The following MTMR9 variants were observed in gnomAD, a reference collection of about 807,000 sequenced individuals.
MTMR9 encodes the protein myotubularin-related protein 9.
MTMR9 carries 39 observed loss-of-function variants against 69.5 expected under a neutral mutation model. That is an observed-to-expected ratio of 0.56 (90% confidence interval 0.43 to 0.73). MTMR9 has a LOEUF of 0.73. MTMR9 is among the 30% of genes least tolerant of loss of function. The pLI is 0.00. For missense variants in MTMR9, 900 were observed against 671.2 expected, an observed-to-expected ratio of 1.34 and a Z score of -3.77; for synonymous variants, 354 against 240.8, an observed-to-expected ratio of 1.47 and a Z score of -4.35.
At chr8:11,318,957 G>A (rs1309937554) in intron 8 of MTMR9, 2 of 152,072 alleles carry the variant, frequency 1.3e-5, no homozygotes, top group African/African-American at 4.8e-5. Context: ...AGGGGGACGA[G>A]GGATAAAAGA....
At chr8:11,319,526 T>C (rs1800574111) in intron 8 of MTMR9, 161 bp from the exon 9 acceptor site, 1 of 709,532 alleles carries the variant, frequency 1.4e-6, no homozygotes, top group Non-Finnish European at 2.3e-6. Flanking sequence ...CCGATTGAGC[T>C]TTTTGACAAA....
downstream of MTMR9, chr8:11,331,181 C>T (rs2092203360): frequency 1.2e-6 from 2 of 1,613,566 alleles, no homozygotes; most frequent in East Asian, 2.2e-5. Context: ...CACCCAGCCT[C>T]CGCTGGCACC....
intron 1 of MTMR9, among the ~76,000 whole-genome samples, chr8:11,294,063 G>T (rs1799464762): frequency 6.6e-6 from 1 of 152,130 alleles, no homozygotes; most frequent in African/African-American, 2.4e-5. Flanking sequence ...CACCTTTTCA[G>T]TTTCTACATT....
At chr8:11,305,387 T>A (rs2117405792) in intron 4 of MTMR9, among the ~76,000 whole-genome samples, 1 of 152,258 alleles carries the variant, frequency 6.6e-6, no homozygotes, top group Admixed American at 6.5e-5. Context: ...ACTTTACACG[T>A]GAAAGGTGGA....
At chr8:11,309,432 T>C in intron 5 of MTMR9, 95 bp from the exon 6 acceptor site, 1 of 1,029,380 alleles carries the variant, frequency 9.7e-7, no homozygotes, top group Non-Finnish European at 1.4e-6. Flanking sequence ...GAACTACTTT[T>C]GCTCTTAGAT....
intron 6 of MTMR9, among the ~76,000 whole-genome samples, chr8:11,311,375 G>A (rs1418253276): frequency 1.3e-5 from 2 of 152,142 alleles, no homozygotes; most frequent in Non-Finnish European, 2.9e-5. Context: ...TCACTTAATA[G>A]GATATTACAC....
chr8:11,332,336 C>A, downstream of MTMR9: 1 of 877,326 alleles, frequency 1.1e-6, no homozygotes, highest in Non-Finnish European at 1.6e-6. Flanking sequence ...GGCTTATTTA[C>A]AGGAATAAAA....
At chr8:11,321,682 A>G (rs1198236806) in intron 9 of MTMR9, 2 of 317,292 alleles carry the variant, frequency 6.3e-6, no homozygotes, top group Non-Finnish European at 1.3e-5. Context: ...CGGCCTTAAA[A>G]TATCTCTCTG....
the MTMR9 span, among the ~76,000 whole-genome samples, chr8:11,333,804 GAAAT>G: frequency 6.6e-6 from 1 of 152,060 alleles, no homozygotes. Flanking sequence ...CCTGAGTGAA[GAAAT>G]AAATATTTCT....
rs527922660 is a variant in MTMR9 at position 11,312,224 on chromosome 8, A to G, written c.971+2536A>G. Among the ~76,000 whole-genome samples, 8 of 151,602 alleles carry G rather than the reference A, an allele frequency of 5.3e-5. No homozygotes were observed. The East Asian group carries it at 5.8e-4, about 11-fold the overall frequency. ...CACGGTCACCTAATTTTTTTTTTCA[A>G]TTTTTAACAGAGATGTGGTTTCTGT... is the stretch of plus-strand genomic sequence containing the variant. On this transcript the variant is annotated intron_variant, in intron 6 of 9. Transcript: ENST00000221086.
chr8:11,329,550 G>C (rs574209773), downstream of MTMR9, among the ~76,000 whole-genome samples: 2 of 152,250 alleles, frequency 1.3e-5, no homozygotes, highest in African/African-American at 4.8e-5. Context: ...TCCTAACCGC[G>C]AGTGATCCGC....
intron 2 of MTMR9, among the ~76,000 whole-genome samples, chr8:11,299,224 G>T (rs1224628177): frequency 6.6e-6 from 1 of 152,144 alleles, no homozygotes; most frequent in Admixed American, 6.5e-5. Flanking sequence ...CAGCTACTCA[G>T]GAGGCTGAGG....
chr8:11,285,044 T>C lies in MTMR9; in HGVS notation c.156T>C (p.His52=), dbSNP rs1799094340. ...ATACGGAGGAGCTGTGGCTCCTCCATTCAAACATCGACGCCATCGACAAGC... is the reference window on the plus strand; with the variant it reads ...ATACGGAGGAGCTGTGGCTCCTCCACTCAAACATCGACGCCATCGACAAGC... The part of the protein sequence containing the change: ...QDNTEELWLL[H]SNIDAIDKRF... The change falls in exon 1 of 10, where the codon CAT becomes CAC. Residue 52 remains histidine, a synonymous_variant. Transcript: ENST00000221086. The C allele has an allele frequency of 6.2e-7, 1 of 1,610,068 alleles. No homozygotes were observed. The highest frequency in any genetic ancestry group is 1.7e-5 in the Admixed American group (1 of 59,586).
At chr8:11,338,763 A>T in the MTMR9 span, among the ~76,000 whole-genome samples, 1 of 152,150 alleles carries the variant, frequency 6.6e-6, no homozygotes, top group Non-Finnish European at 1.5e-5. Context: ...ATATTCTAAG[A>T]CCCAGAGTCT....
At chr8:11,296,335 G>T (rs1467347818) in intron 2 of MTMR9, among the ~76,000 whole-genome samples, 2 of 152,180 alleles carry the variant, frequency 1.3e-5, no homozygotes, top group African/African-American at 4.8e-5. Flanking sequence ...GTAAATAGCA[G>T]CTACCATTTG....
At chr8:11,307,808 G>A (rs182768904) in intron 5 of MTMR9, among the ~76,000 whole-genome samples, 3 of 151,996 alleles carry the variant, frequency 2.0e-5, no homozygotes, top group Non-Finnish European at 4.4e-5. Flanking sequence ...GTGATGCAGA[G>A]CATTTTTTTT....
At chr8:11,318,293 C>CA (rs1416014423) in intron 8 of MTMR9, 1 of 152,330 alleles carries the variant, frequency 6.6e-6, no homozygotes, top group Non-Finnish European at 1.5e-5. Flanking sequence ...CGGCCATGGG[C>CA]AGGGGGCACA....
At chr8:11,315,720 C>T (rs1800388312) in intron 7 of MTMR9, 1 of 152,460 alleles carries the variant, frequency 6.6e-6, no homozygotes, top group African/African-American at 2.4e-5. Flanking sequence ...GTTACGTACA[C>T]CATGTCCACC....
At chr8:11,303,716 TG>T (rs1195003788) in intron 3 of MTMR9, among the ~76,000 whole-genome samples, 1 of 152,020 alleles carries the variant, frequency 6.6e-6, no homozygotes, top group African/African-American at 2.4e-5. Context: ...GCATTTTTAG[TG>T]GATATGGGGT....
Sources: allele counts gnomAD v4.1 joint callset (sites outside exome capture counted in the v4.1 genomes callset), GRCh38; gene constraint gnomAD v4.1.1; transcripts MANE v1.5; gene names NCBI Gene and HGNC (gene_info 2026-07-23, HGNC 2026-07-21).